The following NBAS variants were observed in gnomAD, a reference collection of about 807,000 sequenced individuals.
NBAS encodes NBAS subunit of NRZ tethering complex.
Under a neutral mutation model 302.5 loss-of-function variants are expected in NBAS, and 219 were observed. That is an observed-to-expected ratio of 0.72 (90% confidence interval 0.65 to 0.81). NBAS has a LOEUF of 0.81. Among genes scored for constraint, NBAS ranks in the 30% least tolerant of loss-of-function variants. The pLI is 0.00. For synonymous variants in NBAS, 1,118 were observed against 1,021.6 expected (o/e 1.09, Z -1.80); for missense variants, 2,932 against 2,841.6 (o/e 1.03, Z -0.72).
chr2:15,427,419 C>T (rs939849044), intron 22 of NBAS, among the ~76,000 whole-genome samples: 1 of 151,982 alleles, frequency 6.6e-6, no homozygotes, highest in African/African-American at 2.4e-5. Context: ...ATAATTACAA[C>T]TATAAAAAAA....
At position 15,513,034 on chromosome 2, in the gene NBAS, T is replaced by C. The variant is rs894945855; in HGVS notation, c.747-1684A>G. 2.6e-5 allele frequency among the ~76,000 whole-genome samples: 4 copies of C among 152,170 alleles called. No homozygotes were observed. The East Asian group carries it at 5.8e-4, about 22-fold the overall frequency. On this transcript the variant is annotated intron_variant, in intron 9 of 51. Transcript: ENST00000281513. ...ACAATTAAAGAACTCATCTCTACCA[T>C]ATACTCTTAGATCTAAATTTTTCAA...
the NBAS span, among the ~76,000 whole-genome samples, chr2:14,850,498 C>G: frequency 2.1e-5 from 2 of 95,194 alleles, no homozygotes; most frequent in Non-Finnish European, 3.7e-5. Flanking sequence ...TAACACCCCA[C>G]TGTCAACATT....
the NBAS span, among the ~76,000 whole-genome samples, chr2:15,017,069 C>T: frequency 1.3e-5 from 2 of 152,016 alleles, no homozygotes; most frequent in African/African-American, 4.8e-5. Flanking sequence ...GTGGAAAGGA[C>T]AATGTCTTCA....
chr2:14,914,654 A>C, the NBAS span, among the ~76,000 whole-genome samples: 2 of 152,202 alleles, frequency 1.3e-5, no homozygotes, highest in African/African-American at 4.8e-5. Context: ...AGAACTGAAA[A>C]TACTGAGTCT....
At chr2:14,908,876 C>T in the NBAS span, among the ~76,000 whole-genome samples, 2 of 152,242 alleles carry the variant, frequency 1.3e-5, no homozygotes, top group African/African-American at 2.4e-5. Flanking sequence ...GAAGGGTCTT[C>T]AGAGTCCCTC....
chr2:15,266,415 C>A lies in NBAS; in HGVS notation c.5724+9069G>T, dbSNP rs116720402. 5.9e-3 allele frequency among the ~76,000 whole-genome samples: 905 copies of A among 152,194 alleles called. 3 individuals carry two copies. The highest frequency in any genetic ancestry group is 0.011 in the Non-Finnish European group (714 of 67,996). The stretch of plus-strand genomic sequence containing the variant: ...CATTTTTCTTGTCTGTCTGCTTTCC[C>A]AGTCTCCTAAAACACTACTTTGTAC... On this transcript the variant is annotated intron_variant, in intron 44 of 51. Coordinates refer to ENST00000281513, the MANE Select transcript of NBAS (RefSeq NM_015909.4).
In NBAS at chr2:15,370,008, C is replaced by T. The variant is rs533822985; in HGVS notation, c.3704-3315G>A. On this transcript the variant is annotated intron_variant, in intron 31 of 51. Transcript: ENST00000281513. ...TGTGGAAGTATTATACAAATCTGAA[C>T]CGTGTGGGCAAGGAAGGTGTAACAC... Among the ~76,000 whole-genome samples, 11 of 152,332 alleles carry T rather than the reference C, an allele frequency of 7.2e-5. 1 individual carries two copies. In the South Asian group the frequency reaches 1.4e-3, roughly 20 times the overall value.
rs1316471917 is a variant in NBAS at position 15,461,672 on chromosome 2, C to A, written c.2202+15G>T. On this transcript the variant is annotated intron_variant, in intron 20 of 51. Transcript: ENST00000281513. ...TTAATAACCATAATTATTTTATTTA[C>A]AAAAAGCAAATTACCTGAGCATAAG... is the stretch of plus-strand genomic sequence containing the variant. The A allele has an allele frequency of 6.8e-7, 1 of 1,479,444 alleles. No individual in the cohort carries two copies. Among genetic ancestry groups the A allele is most frequent in the Non-Finnish European group, 9.4e-7 (1 of 1,061,570 alleles). 91.6% of individuals were successfully genotyped at this position (1,479,444 alleles called of 1,614,324 possible).
intron 38 of NBAS, among the ~76,000 whole-genome samples, chr2:15,318,737 C>A (rs1025062646): frequency 7.9e-5 from 12 of 152,154 alleles, no homozygotes; most frequent in Non-Finnish European, 1.5e-4. Context: ...CAGGAGCACC[C>A]AGATTCATAA....
chr2:15,526,725 T>C (rs998278328), intron 9 of NBAS, among the ~76,000 whole-genome samples: 3 of 152,110 alleles, frequency 2.0e-5, no homozygotes, highest in African/African-American at 7.2e-5. Flanking sequence ...ATGTAAATGA[T>C]TGTACAACCA....
At chr2:15,098,382 G>T in the NBAS span, among the ~76,000 whole-genome samples, 27 of 12,696 alleles carry the variant, frequency 2.1e-3, no homozygotes, top group African/African-American at 0.011. Flanking sequence ...TATTATATAT[G>T]ATATATTGTA....
the NBAS span, among the ~76,000 whole-genome samples, chr2:14,789,380 C>G: frequency 6.6e-6 from 1 of 152,142 alleles, no homozygotes; most frequent in Admixed American, 6.5e-5. Flanking sequence ...GTGAGATGAA[C>G]CCGGTACCTC....
At chr2:15,071,575 G>A in the NBAS span, among the ~76,000 whole-genome samples, 7 of 148,796 alleles carry the variant, frequency 4.7e-5, no homozygotes, top group African/African-American at 1.8e-4. Flanking sequence ...AGTGAGCTGA[G>A]ATCGTGCCAC....
the NBAS span, among the ~76,000 whole-genome samples, chr2:15,084,073 A>G: frequency 1.3e-5 from 2 of 151,690 alleles, no homozygotes; most frequent in African/African-American, 4.9e-5. Flanking sequence ...ATTTTTTGAG[A>G]CAGGGTCTCA....
At chr2:14,838,744 G>T in the NBAS span, among the ~76,000 whole-genome samples, 2 of 151,826 alleles carry the variant, frequency 1.3e-5, no homozygotes, top group Non-Finnish European at 2.9e-5. Context: ...GCAATCCTAG[G>T]TTGCCTTAGT....
chr2:15,310,058 A>T (rs2148164661), intron 38 of NBAS, among the ~76,000 whole-genome samples: 1 of 152,344 alleles, frequency 6.6e-6, no homozygotes. Context: ...GAATAATTCA[A>T]CGGAAATGAT....
the NBAS span, among the ~76,000 whole-genome samples, chr2:14,853,749 A>G: frequency 7.1e-5 from 8 of 113,006 alleles, 1 homozygote; most frequent in African/African-American, 3.2e-4. Flanking sequence ...GCCATAAAAA[A>G]TGATGAGTTC....
At chr2:15,225,324 G>C (rs1030168550) in intron 47 of NBAS, among the ~76,000 whole-genome samples, 2 of 152,190 alleles carry the variant, frequency 1.3e-5, no homozygotes, top group African/African-American at 4.8e-5. Flanking sequence ...AAATATTGCG[G>C]TAACAGAGTG....
chr2:14,943,791 T>G, the NBAS span, among the ~76,000 whole-genome samples: 2 of 152,162 alleles, frequency 1.3e-5, no homozygotes, highest in Non-Finnish European at 2.9e-5. Context: ...TTTTTATTAA[T>G]TTTTTAAACT....
Sources: gnomAD v4.1 joint callset for allele counts (sites outside exome capture counted in the v4.1 genomes callset) on GRCh38, gnomAD v4.1.1 for gene constraint, MANE v1.5 for transcripts, NCBI Gene and HGNC (gene_info 2026-07-23, HGNC 2026-07-21) for gene names.